The following EPAS1 variants were observed in gnomAD, a reference collection of about 807,000 sequenced individuals.
The protein encoded by EPAS1 is endothelial PAS domain-containing protein 1.
In EPAS1, 23 loss-of-function variants were observed where a neutral mutation model predicts 87.9. The ratio of observed to expected loss-of-function variants is 0.26; its 90% confidence interval spans 0.19 to 0.37. The LOEUF (loss-of-function observed/expected upper bound fraction) is 0.37, where lower values mean the gene tolerates loss of function less well. Ranked by LOEUF, EPAS1 falls within the 10% of genes least tolerant of loss-of-function variation. EPAS1 has a pLI of 1.00. For synonymous variants in EPAS1, 508 were observed against 444.3 expected, an observed-to-expected ratio of 1.14 and a Z score of -1.80; for missense variants, 1,138 against 1,120.7, an observed-to-expected ratio of 1.02 and a Z score of -0.22.
At chr2:46,313,134 T>C (rs1683246107) in intron 1 of EPAS1, among the ~76,000 whole-genome samples, 2 of 152,240 alleles carry the variant, frequency 1.3e-5, no homozygotes, top group Admixed American at 1.3e-4. Flanking sequence ...TACCTTGTCC[T>C]TCCGGTGTTA....
intron 1 of EPAS1, among the ~76,000 whole-genome samples, chr2:46,338,560 G>A (rs1337797628): frequency 6.6e-6 from 1 of 152,162 alleles, no homozygotes; most frequent in East Asian, 1.9e-4. Context: ...TAAGATGAGG[G>A]GTGGGAAAGA....
At chr2:46,317,907 T>G (rs1479868130) in intron 1 of EPAS1, among the ~76,000 whole-genome samples, 1 of 152,210 alleles carries the variant, frequency 6.6e-6, no homozygotes, top group East Asian at 1.9e-4. Flanking sequence ...TTCATACTTT[T>G]CTTAATGCAG....
chr2:46,307,552 C>A (rs996555382), intron 1 of EPAS1, among the ~76,000 whole-genome samples: 1 of 152,112 alleles, frequency 6.6e-6, no homozygotes, highest in Non-Finnish European at 1.5e-5. Flanking sequence ...GGCTTTCTTG[C>A]TATCACTCTG....
chr2:46,361,010 C>T lies in EPAS1; in HGVS notation c.699C>T (p.Ser233=). The part of the protein sequence containing the change: ...IIMCEPIQHP[S]HMDIPLDSKT... ...TGTGTGAACCAATCCAGCACCCATC[C>T]CACATGGACATCCCCCTGGATAGCA... The change falls in exon 6 of 16, where the codon TCC becomes TCT. Residue 233 remains serine (S), a synonymous_variant. Coordinates refer to ENST00000263734, the MANE Select transcript of EPAS1 (RefSeq NM_001430.5). 6 of 1,614,164 alleles carry T rather than the reference C, an allele frequency of 3.7e-6. No individual in the cohort carries two copies. The highest frequency in any genetic ancestry group is 5.1e-6 in the Non-Finnish European group (6 of 1,180,028).
At chr2:46,377,471 G>T (rs1191419661) in intron 9 of EPAS1, among the ~76,000 whole-genome samples, 1 of 152,182 alleles carries the variant, frequency 6.6e-6, no homozygotes, top group Non-Finnish European at 1.5e-5. Flanking sequence ...CAGCGGCCAC[G>T]TGAGGATTGC....
chr2:46,336,267 A>T (rs531775922), intron 1 of EPAS1, among the ~76,000 whole-genome samples: 396 of 152,302 alleles, frequency 2.6e-3, no homozygotes, highest in African/African-American at 9.2e-3. Context: ...AGGATACACG[A>T]AAGTGGAAGA....
rs1048479016 is a variant in EPAS1 at position 46,369,764 on chromosome 2, C to T, written c.780-63C>T. ...TTTGCCTTCTGGGGTTAGCTCCTGC[C>T]CACATGCTGTGCTAAGTTAATATGG... On this transcript the variant is annotated intron_variant, in intron 6 of 15. Transcript: ENST00000263734. The T allele has an allele frequency of 4.1e-6, 5 of 1,234,060 alleles. No individual in the cohort carries two copies. In the African/African-American group the frequency reaches 4.5e-5, roughly 11 times the overall value. The allele number at this position is 1,234,060 out of a possible 1,614,324, so 76.4% of individuals were successfully genotyped here.
At chr2:46,316,390 G>A (rs1182641946) in intron 1 of EPAS1, among the ~76,000 whole-genome samples, 2 of 152,028 alleles carry the variant, frequency 1.3e-5, no homozygotes, top group Admixed American at 6.6e-5. Flanking sequence ...CCCCCGAGTA[G>A]CTGGGATTTA....
At chr2:46,353,586 T>A (rs1388574713) in intron 2 of EPAS1, among the ~76,000 whole-genome samples, 1 of 152,242 alleles carries the variant, frequency 6.6e-6, no homozygotes, top group Non-Finnish European at 1.5e-5. Flanking sequence ...TTGAAAGCAC[T>A]GAGTTAAGTC....
chr2:46,362,965 G>A (rs375509436), intron 6 of EPAS1, among the ~76,000 whole-genome samples: 21 of 112,362 alleles, frequency 1.9e-4, no homozygotes, highest in East Asian at 6.4e-4. Flanking sequence ...TGGTGGTGGT[G>A]GTGGTGGTGG....
At chr2:46,337,905 T>C (rs1245541367) in intron 1 of EPAS1, among the ~76,000 whole-genome samples, 1 of 152,118 alleles carries the variant, frequency 6.6e-6, no homozygotes. Context: ...CTGAGAACTA[T>C]CCCAAGGGGG....
chr2:46,297,742 C>T lies in EPAS1; in HGVS notation c.-170C>T. The T allele has an allele frequency of 1.3e-6, 1 of 798,252 alleles. No homozygotes were observed. Among genetic ancestry groups the T allele is most frequent in the Non-Finnish European group, 2.0e-6 (1 of 507,382 alleles). 49.4% of individuals were successfully genotyped at this position (798,252 alleles called of 1,614,324 possible). On this transcript the variant is annotated 5_prime_UTR_variant, in exon 1 of 16. Coordinates refer to ENST00000263734, the MANE Select transcript of EPAS1 (RefSeq NM_001430.5). ...TCTCCACCCCCGCCCCCGCACCTAG[C>T]CCGCCGCGCGCCACCTTCCACCTGA...
rs1684752803 is a variant in EPAS1, at chr2:46,376,574, A to G, written c.1070A>G (p.Asp357Gly). ...AAGAATGACGTGGTGTTCTCCATGGACCAGACTGAATCCCTGTTCAAGCCC... is the reference window on the plus strand; with the variant it reads ...AAGAATGACGTGGTGTTCTCCATGGGCCAGACTGAATCCCTGTTCAAGCCC... The part of the protein sequence containing the change: ...IEKNDVVFSM[D>G]QTESLFKPHL... The change falls in exon 9 of 16, where the codon GAC becomes GGC. Residue 357 changes from aspartate (D) to glycine (G), a missense_variant. Physicochemically the swap from Asp to Gly is moderately conservative, Grantham distance 94. Around this residue, in one of 4 missense-constraint regions of EPAS1, gnomAD observed 284 missense variants for 258.4 expected, o/e 1.10. Coordinates refer to ENST00000263734, the MANE Select transcript of EPAS1 (RefSeq NM_001430.5). 1 of 1,614,134 alleles carries G rather than the reference A, an allele frequency of 6.2e-7. No homozygotes were observed.
intron 13 of EPAS1, 48 bp from the exon 14 acceptor site, chr2:46,381,927 C>T (rs1684904259): frequency 6.6e-7 from 1 of 1,523,440 alleles, no homozygotes. Context: ...GTCTGGGGAC[C>T]TGGTTCTCTG....
chr2:46,368,628 G>A (rs1684555753), intron 6 of EPAS1, among the ~76,000 whole-genome samples: 1 of 152,188 alleles, frequency 6.6e-6, no homozygotes, highest in African/African-American at 2.4e-5. Flanking sequence ...CAGGAAATGA[G>A]GAGCCACTGC....
intron 11 of EPAS1, 107 bp downstream of exon 11, chr2:46,378,874 G>C: frequency 2.6e-6 from 3 of 1,136,562 alleles, no homozygotes; most frequent in Non-Finnish European, 4.0e-6. Flanking sequence ...AAGAGCAGTG[G>C]AGACGTTTGG....
chr2:46,333,602 TG>T (rs1294842304), intron 1 of EPAS1, among the ~76,000 whole-genome samples: 21 of 151,644 alleles, frequency 1.4e-4, no homozygotes, highest in African/African-American at 4.8e-4. Context: ...AGTTTGGGGG[TG>T]GCAGGGCATA....
Position 46,341,155 on chromosome 2 carries a change from A to AT in EPAS1, c.27-5713dup, listed in dbSNP as rs536146627. Among the ~76,000 whole-genome samples, 379 of 152,268 alleles carry AT rather than the reference A, an allele frequency of 2.5e-3. 1 individual carries two copies. Among genetic ancestry groups the AT allele is most frequent in the African/African-American group, 8.7e-3 (361 of 41,538 alleles). On this transcript the variant is annotated intron_variant, in intron 1 of 15. Transcript: ENST00000263734. ...CTGGAACACTGCCTTCATCTCAAAC[A>AT]TTTTTGTCACTCCTTTGGAATGGCC...
chr2:46,382,402 A>G, intron 14 of EPAS1, 23 bp from the exon 15 acceptor site: 1 of 1,613,718 alleles, frequency 6.2e-7, no homozygotes, highest in Non-Finnish European at 8.5e-7. Context: ...TGCTACCGTC[A>G]CTCTCTGACT....
Sources: allele counts gnomAD v4.1 joint callset (sites outside exome capture counted in the v4.1 genomes callset), GRCh38; gene constraint gnomAD v4.1.1; regional missense constraint gnomAD v4.1.1; transcripts MANE v1.5; gene names NCBI Gene and HGNC (gene_info 2026-07-23, HGNC 2026-07-21).